DNM3: variants seen among roughly 807,000 people sequenced by gnomAD.
DNM3 encodes dynamin 3, also known as dynamin-3.
In DNM3, 47 loss-of-function variants were observed where a neutral mutation model predicts 101.6. The observed-to-expected ratio is 0.46, with a 90% confidence interval of 0.37 to 0.59. The LOEUF is 0.59. Among genes scored for constraint, DNM3 ranks in the 20% least tolerant of loss-of-function variants. The pLI is 0.00. For synonymous variants in DNM3, 385 were observed against 387.9 expected (o/e 0.99, Z 0.09); for missense variants, 849 against 1,085.7 (o/e 0.78, Z 3.06).
At chr1:172,200,296 C>T (rs2060107387) in intron 14 of DNM3, among the ~76,000 whole-genome samples, 1 of 152,060 alleles carries the variant, frequency 6.6e-6, no homozygotes, top group Non-Finnish European at 1.5e-5. Context: ...ATGATGTTTT[C>T]TTTGTAGGTG....
chr1:172,046,207 A>C lies in DNM3; in HGVS notation c.1196+1755A>C, dbSNP rs545978831. On this transcript the variant is annotated intron_variant, in intron 9 of 20. Transcript: ENST00000627582. ...TAAGAAAATGTGGCACATATACACC[A>C]TGGAATACTATGCAGCCATAAAAAA... Among the ~76,000 whole-genome samples, 945 of 152,282 alleles carry C rather than the reference A, an allele frequency of 6.2e-3. 17 individuals are homozygous for C. Among genetic ancestry groups the C allele is most frequent in the African/African-American group, 0.022 (894 of 41,554 alleles).
At chr1:172,324,956 C>A (rs2065880321) in intron 17 of DNM3, among the ~76,000 whole-genome samples, 2 of 152,064 alleles carry the variant, frequency 1.3e-5, no homozygotes, top group Non-Finnish European at 1.5e-5. Context: ...ACTCTCAGAC[C>A]ACTCAAGAAG....
At chr1:172,193,365 T>C (rs1210486137) in intron 14 of DNM3, among the ~76,000 whole-genome samples, 1 of 152,142 alleles carries the variant, frequency 6.6e-6, no homozygotes, top group African/African-American at 2.4e-5. Flanking sequence ...TAGGATGATG[T>C]TGGCCTCATA....
chr1:172,125,752 A>G (rs2056585811), intron 13 of DNM3, among the ~76,000 whole-genome samples: 1 of 152,208 alleles, frequency 6.6e-6, no homozygotes. Context: ...CGAATACTCA[A>G]AACAGAATTT....
intron 20 of DNM3, chr1:172,397,127 G>A (rs1335926595): frequency 6.6e-6 from 1 of 152,538 alleles, no homozygotes; most frequent in African/African-American, 2.4e-5. Context: ...CATTCACTGA[G>A]GAAAAGCTGT....
chr1:172,316,171 C>T (rs370434341), intron 16 of DNM3, among the ~76,000 whole-genome samples: 6 of 151,994 alleles, frequency 3.9e-5, no homozygotes, highest in African/African-American at 9.7e-5. Flanking sequence ...TAAAATACTT[C>T]ACAGACAAGC....
chr1:171,950,777 G>A (rs1238386774), intron 2 of DNM3, among the ~76,000 whole-genome samples: 5 of 152,090 alleles, frequency 3.3e-5, no homozygotes, highest in African/African-American at 1.2e-4. Context: ...TGGTTTCTCA[G>A]GGGTACACAC....
intron 15 of DNM3, among the ~76,000 whole-genome samples, chr1:172,301,910 C>T (rs16844255): frequency 0.16 from 24,399 of 152,032 alleles, 2,387 homozygotes; most frequent in East Asian, 0.25. Context: ...GTTATGGTCC[C>T]GTTCCAAGAT....
intron 14 of DNM3, among the ~76,000 whole-genome samples, chr1:172,245,735 C>T (rs756692283): frequency 3.9e-5 from 6 of 152,264 alleles, no homozygotes; most frequent in Admixed American, 3.3e-4. Context: ...TCCAGCCAGA[C>T]GGAGGTCAGG....
intron 17 of DNM3, among the ~76,000 whole-genome samples, chr1:172,374,795 G>A (rs2068517958): frequency 6.6e-6 from 1 of 152,002 alleles, no homozygotes; most frequent in Non-Finnish European, 1.5e-5. Flanking sequence ...CCATGTAAAT[G>A]ATTTTGAAGA....
rs61807809 is a variant in DNM3 at position 172,244,651 on chromosome 1, C to T, written c.1660-8922C>T. 6.1e-3 allele frequency among the ~76,000 whole-genome samples: 923 copies of T among 152,106 alleles called. 10 individuals are homozygous for T. The highest frequency in any genetic ancestry group is 0.021 in the African/African-American group (885 of 41,474). On this transcript the variant is annotated intron_variant, in intron 14 of 20. Transcript: ENST00000627582. ...AGAGAAATGCAAATCAAAACCACAA[C>T]GAGATACCATCTCACACCAGTTAGA...
chr1:171,974,868 G>T (rs58310247), intron 2 of DNM3, among the ~76,000 whole-genome samples: 38,744 of 144,940 alleles, frequency 0.27, 5,983 homozygotes, highest in African/African-American at 0.44. Context: ...TTCTTCTACT[G>T]TTTTTTTTTT....
At position 171,841,738 on chromosome 1, in the gene DNM3, C is replaced by T; in HGVS notation, c.82C>T (p.Leu28=). 1 of 1,610,528 alleles carries T rather than the reference C, an allele frequency of 6.2e-7. No homozygotes were observed. The change falls in exon 1 of 21, where the codon CTG becomes TTG. Residue 28 remains leucine, a synonymous_variant. Coordinates refer to ENST00000627582, the MANE Select transcript of DNM3 (RefSeq NM_015569.5). The part of the protein sequence containing the change: ...DAFSALGQSC[L]LELPQIAVVG... ...GTTTTCGGCGCTGGGACAGAGCTGCCTGCTGGAGCTGCCGCAGATCGCCGT... is the reference window on the plus strand; with the variant it reads ...GTTTTCGGCGCTGGGACAGAGCTGCTTGCTGGAGCTGCCGCAGATCGCCGT...
intron 14 of DNM3, chr1:172,133,163 G>A (rs2057033053): frequency 1.5e-6 from 2 of 1,338,098 alleles, no homozygotes; most frequent in Non-Finnish European, 1.9e-6. Context: ...CTGTTGGAGT[G>A]TGGCATTAGT....
intron 15 of DNM3, among the ~76,000 whole-genome samples, chr1:172,285,518 G>A (rs549941593): frequency 9.9e-5 from 15 of 152,114 alleles, no homozygotes; most frequent in Non-Finnish European, 2.2e-4. Context: ...AACCCTATCC[G>A]CAAAGGCCCA....
At chr1:172,223,340 A>T (rs2060982805) in intron 14 of DNM3, among the ~76,000 whole-genome samples, 1 of 149,450 alleles carries the variant, frequency 6.7e-6, no homozygotes, top group South Asian at 2.1e-4. Context: ...CCACCTCTCC[A>T]GGCATATCGG....
chr1:172,148,103 C>G (rs2057985465), intron 14 of DNM3, among the ~76,000 whole-genome samples: 1 of 152,046 alleles, frequency 6.6e-6, no homozygotes, highest in Non-Finnish European at 1.5e-5. Flanking sequence ...ATATTGTCAA[C>G]CTACAGAAAC....
chr1:171,934,126 A>T (rs938674003), intron 2 of DNM3, among the ~76,000 whole-genome samples: 2 of 152,180 alleles, frequency 1.3e-5, no homozygotes, highest in African/African-American at 2.4e-5. Context: ...GTGTTATACT[A>T]TGCATATATT....
At chr1:172,109,994 G>A (rs1348114820) in intron 13 of DNM3, among the ~76,000 whole-genome samples, 1 of 152,150 alleles carries the variant, frequency 6.6e-6, no homozygotes, top group Non-Finnish European at 1.5e-5. Flanking sequence ...TTAATGTGTT[G>A]TTCTTTGTTT....
Sources: allele counts gnomAD v4.1 joint callset (sites outside exome capture counted in the v4.1 genomes callset), GRCh38; gene constraint gnomAD v4.1.1; transcripts MANE v1.5; gene names NCBI Gene and HGNC (gene_info 2026-07-23, HGNC 2026-07-21).